BABAM2: variants seen among roughly 807,000 people sequenced by gnomAD.
BABAM2 encodes BRISC and BRCA1-A complex member 2.
A neutral mutation model predicts 54.7 loss-of-function variants in BABAM2; 31 were observed. That is an observed-to-expected ratio of 0.57 (90% CI 0.43 to 0.77). The LOEUF (loss-of-function observed/expected upper bound fraction) is 0.77. Among genes scored for constraint, BABAM2 ranks in the 30% least tolerant of loss-of-function variants. The pLI is 0.00. For synonymous variants in BABAM2, 167 were observed against 162.9 expected, an observed-to-expected ratio of 1.03 and a Z score of -0.19; for missense variants, 364 against 455.8, an observed-to-expected ratio of 0.80 and a Z score of 1.83.
chr2:28,226,794 A>C (rs1680929015), intron 7 of BABAM2, among the ~76,000 whole-genome samples: 1 of 151,952 alleles, frequency 6.6e-6, no homozygotes, highest in South Asian at 2.1e-4. Flanking sequence ...GCCCCAGCTT[A>C]TCCAGGGAGG....
At chr2:28,327,448 G>A in intron 11 of BABAM2, 5 of 1,578,242 alleles carry the variant, frequency 3.2e-6, no homozygotes, top group Non-Finnish European at 4.3e-6. Context: ...GATCACTTTG[G>A]TAAGTATTTA....
chr2:28,194,385 C>T (rs1188940309), intron 7 of BABAM2, among the ~76,000 whole-genome samples: 1 of 152,076 alleles, frequency 6.6e-6, no homozygotes, highest in Non-Finnish European at 1.5e-5. Context: ...AGGTTGCTGA[C>T]CTCTTTCTAG....
chr2:28,251,300 GT>G (rs1433774433), intron 10 of BABAM2, among the ~76,000 whole-genome samples: 4 of 152,016 alleles, frequency 2.6e-5, no homozygotes, highest in African/African-American at 9.6e-5. Context: ...AATTCTGGTA[GT>G]CATTTAAATA....
chr2:28,010,699 A>G (rs1195060789), intron 4 of BABAM2, among the ~76,000 whole-genome samples: 2 of 152,184 alleles, frequency 1.3e-5, no homozygotes, highest in Non-Finnish European at 2.9e-5. Flanking sequence ...AGAGAACTTA[A>G]CAGTCCAGAA....
intron 2 of BABAM2, among the ~76,000 whole-genome samples, chr2:27,906,631 G>C (rs2148292479): frequency 6.6e-6 from 1 of 152,288 alleles, no homozygotes; most frequent in East Asian, 1.9e-4. Flanking sequence ...GAGATTTTAG[G>C]TGGTTCTGAT....
chr2:28,268,955 A>C (rs1366023637), intron 10 of BABAM2, among the ~76,000 whole-genome samples: 1 of 152,254 alleles, frequency 6.6e-6, no homozygotes, highest in Non-Finnish European at 1.5e-5. Flanking sequence ...TTACATATCT[A>C]AATTTACTAA....
chr2:28,127,879 TC>T (rs1669700812), intron 6 of BABAM2, among the ~76,000 whole-genome samples: 1 of 150,334 alleles, frequency 6.7e-6, no homozygotes, highest in Non-Finnish European at 1.5e-5. Context: ...CCATCTCCGC[TC>T]ACTGCAAGCT....
intron 3 of BABAM2, among the ~76,000 whole-genome samples, chr2:27,943,212 A>C (rs369745438): frequency 6.6e-6 from 1 of 152,212 alleles, no homozygotes; most frequent in East Asian, 1.9e-4. Context: ...ACTATTTAAA[A>C]TAATCTGTTT....
At chr2:27,976,714 TAAA>T (rs1671632451) in intron 3 of BABAM2, among the ~76,000 whole-genome samples, 1 of 152,316 alleles carries the variant, frequency 6.6e-6, no homozygotes, top group Non-Finnish European at 1.5e-5. Context: ...TGTATAAAGT[TAAA>T]AAATAGTTTA....
At chr2:28,298,529 A>G in intron 11 of BABAM2, 38 bp downstream of exon 11, 2 of 1,612,712 alleles carry the variant, frequency 1.2e-6, no homozygotes, top group Non-Finnish European at 1.7e-6. Context: ...AGGTAAGAGC[A>G]TTTTGTTTAT....
intron 7 of BABAM2, among the ~76,000 whole-genome samples, chr2:28,145,939 C>G (rs546188426): frequency 6.6e-6 from 1 of 152,228 alleles, no homozygotes; most frequent in East Asian, 1.9e-4. Context: ...GAATAATACT[C>G]CAGTATATCA....
intron 7 of BABAM2, among the ~76,000 whole-genome samples, chr2:28,222,006 C>T (rs1261812486): frequency 6.6e-6 from 1 of 152,180 alleles, no homozygotes; most frequent in Non-Finnish European, 1.5e-5. Flanking sequence ...TAGCCCCAGA[C>T]TGTATTGAGA....
At chr2:28,140,727 G>A (rs992588140) in intron 7 of BABAM2, among the ~76,000 whole-genome samples, 3 of 152,000 alleles carry the variant, frequency 2.0e-5, no homozygotes, top group African/African-American at 7.3e-5. Flanking sequence ...TATATGTGCT[G>A]TAAGTATATG....
At chr2:28,124,209 C>G (rs893536990) in intron 6 of BABAM2, among the ~76,000 whole-genome samples, 1 of 152,146 alleles carries the variant, frequency 6.6e-6, no homozygotes, top group African/African-American at 2.4e-5. Context: ...TCACATAGGG[C>G]TACTTCTACA....
chr2:28,132,453 C>T (rs373877337), intron 7 of BABAM2, among the ~76,000 whole-genome samples: 2 of 152,094 alleles, frequency 1.3e-5, no homozygotes, highest in East Asian at 1.9e-4. Flanking sequence ...TTCTTTCTTA[C>T]GTTAAGAGCT....
intron 10 of BABAM2, among the ~76,000 whole-genome samples, chr2:28,284,469 A>G (rs559926906): frequency 1.3e-5 from 2 of 152,222 alleles, no homozygotes; most frequent in East Asian, 1.9e-4. Context: ...GAAAGCACCT[A>G]TGAGAATGGA....
chr2:28,014,391 A>C (rs2148539439), intron 4 of BABAM2, among the ~76,000 whole-genome samples: 1 of 152,304 alleles, frequency 6.6e-6, no homozygotes, highest in Non-Finnish European at 1.5e-5. Context: ...GCTCCACCAG[A>C]AGCCCCCAAA....
rs569004145 is a variant in BABAM2 at position 27,900,468 on chromosome 2, TG to T, written c.128+5785del. ...GACTGTGTATGTTTCTAAACTCCAT[TG>T]CTAGACCCATCAGTATCTTAAGGGC... On this transcript the variant is annotated intron_variant, in intron 2 of 11. Coordinates refer to ENST00000379624, the MANE Select transcript of BABAM2 (RefSeq NM_199191.3). Among the ~76,000 whole-genome samples, 13 of 152,300 alleles carry T rather than the reference TG, an allele frequency of 8.5e-5. No individual in the cohort carries two copies. The South Asian group carries it at 2.7e-3, about 32-fold the overall frequency.
intron 11 of BABAM2, among the ~76,000 whole-genome samples, chr2:28,312,789 T>C (rs542969428): frequency 2.0e-5 from 3 of 152,194 alleles, no homozygotes; most frequent in East Asian, 1.9e-4. Context: ...GGTCTAAATA[T>C]GGTAAGCATT....
Sources: allele counts gnomAD v4.1 joint callset (sites outside exome capture counted in the v4.1 genomes callset), GRCh38; gene constraint gnomAD v4.1.1; transcripts MANE v1.5; gene names NCBI Gene and HGNC (gene_info 2026-07-23, HGNC 2026-07-21).